Variants in PEAR1 observed in about 807,000 individuals in gnomAD.
PEAR1 encodes multiple EGF-like domains protein 12.
Under a neutral mutation model 131.2 loss-of-function variants are expected in PEAR1, and 113 were observed. The observed-to-expected ratio is 0.86, with a 90% confidence interval of 0.74 to 1.01. The LOEUF is 1.01. Ranked by LOEUF, PEAR1 falls within the 50% of genes least tolerant of loss-of-function variation. The probability of loss-of-function intolerance (pLI) is 0.00; values close to 1 mark genes in which losing one functional copy is unlikely to be tolerated. For synonymous variants in PEAR1, 565 were observed against 523.3 expected, an observed-to-expected ratio of 1.08 and a Z score of -1.09; for missense variants, 1,408 against 1,391.1, an observed-to-expected ratio of 1.01 and a Z score of -0.19.
At chr1:156,913,143 T>C in intron 18 of PEAR1, 51 bp from the exon 19 acceptor site, 1 of 1,587,994 alleles carries the variant, frequency 6.3e-7, no homozygotes. Flanking sequence ...ACAGCTCTCT[T>C]GGACTCCTGC....
intron 2 of PEAR1, 86 bp from the exon 3 acceptor site, chr1:156,904,662 T>C: frequency 2.9e-6 from 4 of 1,358,494 alleles, no homozygotes; most frequent in Non-Finnish European, 3.0e-6. Flanking sequence ...TTCCCCACTG[T>C]GGCCAAGCCC....
chr1:156,907,868 G>A (rs1303932754), intron 7 of PEAR1, 47 bp from the exon 8 acceptor site: 9 of 1,594,994 alleles, frequency 5.6e-6, no homozygotes, highest in Middle Eastern at 1.7e-4. Flanking sequence ...GTGGCCTTGG[G>A]GAGGAGGCTG....
In PEAR1 at chr1:156,916,283, T is replaced by C. The variant is rs1651853701; in HGVS notation, c.*1485T>C. 1 of 152,244 alleles carries C rather than the reference T, an allele frequency of 6.6e-6. No individual in the cohort carries two copies. Among genetic ancestry groups the C allele is most frequent in the African/African-American group, 2.4e-5 (1 of 41,462 alleles). 9.4% of individuals were successfully genotyped at this position (152,244 alleles called of 1,614,324 possible). A position where few individuals can be genotyped will look rare whatever the true frequency, so the allele number is the denominator to read the frequency against. On this transcript the variant is annotated 3_prime_UTR_variant, in exon 23 of 23. Transcript: ENST00000292357. ...CATTTTGGGTCTCTACATTGCATTT[T>C]GGTAATTGCTTGCAATATTTCAAGC...
chr1:156,906,587 G>A (rs1218304099), intron 5 of PEAR1, 50 bp from the exon 6 acceptor site: 1 of 1,606,830 alleles, frequency 6.2e-7, no homozygotes, highest in Non-Finnish European at 8.5e-7. Context: ...GGGGAGGCTG[G>A]GGATGGACTA....
intron 4 of PEAR1, 21 bp downstream of exon 4, chr1:156,905,445 G>A (rs1650182539): frequency 6.3e-7 from 1 of 1,585,704 alleles, no homozygotes; most frequent in Non-Finnish European, 8.6e-7. Context: ...GGTTGGGTTA[G>A]GGAGCGGGGT....
Position 156,904,840 on chromosome 1 carries a change from G to T in PEAR1, c.194G>T (p.Cys65Phe). The T allele has an allele frequency of 6.2e-7, 1 of 1,613,782 alleles. No individual in the cohort carries two copies. Among genetic ancestry groups the T allele is most frequent in the Middle Eastern group, 1.7e-4 (1 of 6,060 alleles). The part of the protein sequence containing the change: ...CERPWEGPHT[C>F]PQPTVVYRTV... ...CGGCCCTGGGAGGGCCCCCATACTTGCCCCCAGCCCACGTGAGTGCTCCTC... is the reference window on the plus strand; with the variant it reads ...CGGCCCTGGGAGGGCCCCCATACTTTCCCCCAGCCCACGTGAGTGCTCCTC... Residue 65 changes from cysteine to phenylalanine, a missense_variant, in exon 3 of 23, where the codon TGC becomes TTC. Physicochemically the swap from Cys to Phe is radical, Grantham distance 205 (BLOSUM62 -2). Transcript: ENST00000292357.
chr1:156,895,709 G>T (rs1387970966), intron 1 of PEAR1, among the ~76,000 whole-genome samples: 1 of 152,156 alleles, frequency 6.6e-6, no homozygotes. Context: ...CCTAGGGATA[G>T]AACAAAAAGG....
At position 156,908,840 on chromosome 1, in the gene PEAR1, C is replaced by T; in HGVS notation, c.1290+11C>T. 1 of 1,605,030 alleles carries T rather than the reference C, an allele frequency of 6.2e-7. No homozygotes were observed. The highest frequency in any genetic ancestry group is 8.5e-7 in the Non-Finnish European group (1 of 1,178,016). ...GCGCCGGGTTACACGGTGAGGCGCG[C>T]CCGGCTGCAAGGAAGCGAGGCAGGT... On this transcript the variant is annotated intron_variant, in intron 10 of 22. Coordinates refer to ENST00000292357, the MANE Select transcript of PEAR1 (RefSeq NM_001080471.3). The surrounding 1 kb of genome is among the most constrained non-coding windows in gnomAD (Gnocchi z 4.2).
chr1:156,912,728 G>A (rs1399499997), intron 17 of PEAR1, 42 bp from the exon 18 acceptor site: 2 of 1,613,132 alleles, frequency 1.2e-6, no homozygotes, highest in Non-Finnish European at 1.7e-6. Flanking sequence ...CCATGCAGCA[G>A]AGCCAAGATG....
At chr1:156,899,453 C>A (rs1328527545) in intron 1 of PEAR1, among the ~76,000 whole-genome samples, 1 of 151,878 alleles carries the variant, frequency 6.6e-6, no homozygotes, top group Non-Finnish European at 1.5e-5. Flanking sequence ...CTCGGGGGAG[C>A]CTGGCCCCCT....
intron 15 of PEAR1, among the ~76,000 whole-genome samples, chr1:156,911,840 C>T (rs1300356798): frequency 6.6e-6 from 1 of 152,152 alleles, no homozygotes; most frequent in African/African-American, 2.4e-5. Context: ...TCCATAGACT[C>T]TGGTTACAAC....
rs749599447 is a variant in PEAR1, at chr1:156,904,037, C to T, written c.101+10C>T. 13 of 1,607,690 alleles carry T rather than the reference C, an allele frequency of 8.1e-6. No individual in the cohort carries two copies. Among genetic ancestry groups the T allele is most frequent in the Non-Finnish European group, 1.1e-5 (13 of 1,174,338 alleles). On this transcript the variant is annotated intron_variant, in intron 2 of 22. Coordinates refer to ENST00000292357, the MANE Select transcript of PEAR1 (RefSeq NM_001080471.3). Reference sequence around the variant, plus strand: ...GCAGCTTCTGGGAAAGGTGAGAGGGCCCCTGCTGCACCTTGAGGGCACCAA... The same window carrying T: ...GCAGCTTCTGGGAAAGGTGAGAGGGTCCCTGCTGCACCTTGAGGGCACCAA...
rs1478271067 is a variant in PEAR1, at chr1:156,910,089, G to A, written c.1659G>A (p.Gln553=). The change falls in exon 13 of 23, where the codon CAG becomes CAA. Residue 553 remains glutamine (Q), a synonymous_variant. Transcript: ENST00000292357. The part of the protein sequence containing the change: ...DGCDPVHGRC[Q]CQAGWMGARC... The stretch of plus-strand genomic sequence containing the variant: ...GTGACCCTGTTCATGGACGCTGTCA[G>A]TGCCAGGCTGGCTGGATGGGTGAGC... The A allele has an allele frequency of 6.2e-7, 1 of 1,614,176 alleles. No individual in the cohort carries two copies. The highest frequency in any genetic ancestry group is 1.7e-5 in the Admixed American group (1 of 60,030).
intron 1 of PEAR1, among the ~76,000 whole-genome samples, chr1:156,901,530 T>C (rs1649680362): frequency 6.6e-6 from 1 of 152,222 alleles, no homozygotes; most frequent in East Asian, 1.9e-4. Context: ...CACCACGCCA[T>C]AGGCTCTGTG....
Position 156,914,278 on chromosome 1 carries a change from G to A in PEAR1, c.2962+178G>A, listed in dbSNP as rs573345890. Among the ~76,000 whole-genome samples, 50 of 152,362 alleles carry A rather than the reference G, an allele frequency of 3.3e-4. No homozygotes were observed. The East Asian group carries it at 8.9e-3, about 27-fold the overall frequency. Reference sequence around the variant, plus strand: ...GAGGCGACGTGGCCTCTCAGAGCCTGTGTCCTCATCTGGAGAACAGTATGG... The same window carrying A: ...GAGGCGACGTGGCCTCTCAGAGCCTATGTCCTCATCTGGAGAACAGTATGG... On this transcript the variant is annotated intron_variant, in intron 22 of 22. Transcript: ENST00000292357.
chr1:156,911,090 T>TTTCTTTCC (rs1186532498), intron 15 of PEAR1, among the ~76,000 whole-genome samples: 1 of 116,960 alleles, frequency 8.5e-6, no homozygotes, highest in African/African-American at 4.0e-5. Context: ...TCTTTCTTTC[T>TTTCTTTCC]TTCCTTTCTT....
intron 6 of PEAR1, 121 bp downstream of exon 6, chr1:156,907,001 A>C (rs1650404906): frequency 7.1e-6 from 10 of 1,406,572 alleles, no homozygotes; most frequent in South Asian, 2.9e-5. Flanking sequence ...GGAGGCCAAG[A>C]TCCTGGTCCC....
intron 1 of PEAR1, among the ~76,000 whole-genome samples, chr1:156,899,680 G>A (rs1649490970): frequency 6.6e-6 from 1 of 152,160 alleles, no homozygotes; most frequent in African/African-American, 2.4e-5. Flanking sequence ...GAGCATATTA[G>A]GTACTGGGTC....
intron 1 of PEAR1, among the ~76,000 whole-genome samples, chr1:156,897,752 G>A (rs1649300361): frequency 6.6e-6 from 1 of 152,264 alleles, no homozygotes; most frequent in African/African-American, 2.4e-5. Flanking sequence ...CCTTGAGGCT[G>A]TGTAGAACCT....
Sources: gnomAD v4.1 joint callset for allele counts (sites outside exome capture counted in the v4.1 genomes callset) on GRCh38, gnomAD v4.1.1 for gene constraint, Gnocchi (gnomAD v3.1) non-coding constraint, MANE v1.5 for transcripts, NCBI Gene and HGNC (gene_info 2026-07-23, HGNC 2026-07-21) for gene names.